NOS1AP: variants seen among roughly 807,000 people sequenced by gnomAD.
NOS1AP encodes the protein nitric oxide synthase 1 adaptor protein.
Under a neutral mutation model 56.2 loss-of-function variants are expected in NOS1AP, and 21 were observed. The ratio of observed to expected loss-of-function variants is 0.37; its 90% CI spans 0.26 to 0.54. The LOEUF (loss-of-function observed/expected upper bound fraction) is 0.54. Ranked by LOEUF, NOS1AP falls within the 20% of genes least tolerant of loss-of-function variation. The pLI is 0.84. For synonymous variants in NOS1AP, 270 were observed against 274.6 expected (o/e 0.98, Z 0.17); for missense variants, 522 against 657.8 (o/e 0.79, Z 2.26).
chr1:162,311,232 C>A (rs936131896), intron 4 of NOS1AP, among the ~76,000 whole-genome samples: 1 of 152,198 alleles, frequency 6.6e-6, no homozygotes, highest in African/African-American at 2.4e-5. Context: ...TTCCTCTGTT[C>A]TTCTGTGTTG....
At chr1:162,149,757 G>T (rs1177122794) in intron 1 of NOS1AP, among the ~76,000 whole-genome samples, 3 of 152,144 alleles carry the variant, frequency 2.0e-5, no homozygotes, top group Non-Finnish European at 2.9e-5. Context: ...GCGAAAACAG[G>T]TTATTTATTC....
At position 162,069,750 on chromosome 1, in the gene NOS1AP, G is replaced by GCCGCCA. The variant is rs973520599; in HGVS notation, c.-406_-401dup. The GCCGCCA allele has an allele frequency of 2.6e-4, 41 of 155,092 alleles. No homozygotes were observed. Among genetic ancestry groups the GCCGCCA allele is most frequent in the East Asian group, 7.6e-4 (4 of 5,238 alleles). The allele number at this position is 155,092 out of a possible 1,614,324, so 9.6% of individuals were successfully genotyped here. A position where few individuals can be genotyped will look rare whatever the true frequency, so the allele number is the denominator to read the frequency against. On this transcript the variant is annotated 5_prime_UTR_variant, in exon 1 of 10. Coordinates refer to ENST00000361897, the MANE Select transcript of NOS1AP (RefSeq NM_014697.3). Reference sequence around the variant, plus strand: ...GTCTCCGTGACAGGCACCCTGCTCCGCCGCCACCGCCACCGCCACCGCCAC... The same window carrying GCCGCCA: ...GTCTCCGTGACAGGCACCCTGCTCCGCCGCCACCGCCACCGCCACCGCCACCGCCAC...
chr1:162,162,709 TGTAA>T (rs1402687698), intron 2 of NOS1AP, among the ~76,000 whole-genome samples: 9 of 152,234 alleles, frequency 5.9e-5, no homozygotes, highest in Non-Finnish European at 1.3e-4. Flanking sequence ...ATGTAAACCC[TGTAA>T]GTAATTTCTA....
intron 9 of NOS1AP, among the ~76,000 whole-genome samples, chr1:162,365,859 T>C (rs115020582): frequency 0.021 from 3,245 of 152,256 alleles, 58 homozygotes; most frequent in Non-Finnish European, 0.033. Context: ...GCTCAGGTAC[T>C]CTGTGTTCTA....
chr1:162,096,114 T>C (rs1357268071), intron 1 of NOS1AP, among the ~76,000 whole-genome samples: 1 of 152,224 alleles, frequency 6.6e-6, no homozygotes, highest in African/African-American at 2.4e-5. Context: ...GTAAATGCTT[T>C]TCAAATTTCA....
chr1:162,239,554 C>T lies in NOS1AP; in HGVS notation c.178-47790C>T, dbSNP rs540338132. Among the ~76,000 whole-genome samples the T allele has an allele frequency of 5.9e-5, 9 of 152,310 alleles. No homozygotes were observed. The East Asian group carries it at 7.7e-4, about 13-fold the overall frequency. On this transcript the variant is annotated intron_variant, in intron 2 of 9. Transcript: ENST00000361897. Reference sequence around the variant, plus strand: ...ACACATACTCACACAGATCAACACACGTGCTTATATTCAGTTAAGCAAATA... The same window carrying T: ...ACACATACTCACACAGATCAACACATGTGCTTATATTCAGTTAAGCAAATA...
At chr1:162,210,990 A>C (rs1448681531) in intron 2 of NOS1AP, among the ~76,000 whole-genome samples, 2 of 152,200 alleles carry the variant, frequency 1.3e-5, no homozygotes, top group African/African-American at 4.8e-5. Flanking sequence ...TACCATGTGA[A>C]GAAAGTTGGT....
chr1:162,170,392 A>T (rs1356652288), intron 2 of NOS1AP, among the ~76,000 whole-genome samples: 1 of 152,220 alleles, frequency 6.6e-6, no homozygotes, highest in Non-Finnish European at 1.5e-5. Context: ...AAGGCTACCC[A>T]GGTAGCAAGC....
chr1:162,090,808 C>T (rs895059730), intron 1 of NOS1AP, among the ~76,000 whole-genome samples: 2 of 151,938 alleles, frequency 1.3e-5, no homozygotes, highest in African/African-American at 4.8e-5. Flanking sequence ...GTTGTTCTTT[C>T]ATGCCTTGCA....
At chr1:162,274,580 C>G (rs187722116) in intron 2 of NOS1AP, among the ~76,000 whole-genome samples, 2 of 152,344 alleles carry the variant, frequency 1.3e-5, no homozygotes, top group Admixed American at 6.5e-5. Context: ...TCCCTAACAG[C>G]TAATGATATT....
rs1375003121 is a variant in NOS1AP at position 162,289,464 on chromosome 1, CTTTTCTTTTTTT to C, written c.270+2033_270+2044del. ...TGGCGCCTGCCACCACGCCCAGCTA[CTTTTCTTTTTTT>C]TTTTTTTTTTTTTTTTGAGACGGAG... On this transcript the variant is annotated intron_variant, in intron 3 of 9. Transcript: ENST00000361897. Among the ~76,000 whole-genome samples, 63 of 45,058 alleles carry C rather than the reference CTTTTCTTTTTTT, an allele frequency of 1.4e-3. 2 individuals are homozygous for C. Among genetic ancestry groups the C allele is most frequent in the Middle Eastern group, 0.045 (1 of 22 alleles). The allele number at this position is 45,058 out of a possible 152,430, so 29.6% of individuals were successfully genotyped here.
At chr1:162,120,746 G>A (rs10918701) in intron 1 of NOS1AP, among the ~76,000 whole-genome samples, 69,857 of 152,096 alleles carry the variant, frequency 0.46, 19,583 homozygotes, top group Non-Finnish European at 0.62. Context: ...TGGGAATTAC[G>A]GGAGCTACAA....
chr1:162,344,728 A>G (rs1490595920), intron 6 of NOS1AP, among the ~76,000 whole-genome samples: 1 of 152,108 alleles, frequency 6.6e-6, no homozygotes. Flanking sequence ...AAAGTCAGGA[A>G]GGAGACAATA....
chr1:162,316,368 G>A (rs1042967038), intron 4 of NOS1AP, among the ~76,000 whole-genome samples: 1 of 152,240 alleles, frequency 6.6e-6, no homozygotes, highest in Non-Finnish European at 1.5e-5. Flanking sequence ...AGCACCTCTT[G>A]ATGTTGTGGG....
At chr1:162,082,445 G>A (rs1691916616) in intron 1 of NOS1AP, among the ~76,000 whole-genome samples, 1 of 152,088 alleles carries the variant, frequency 6.6e-6, no homozygotes, top group South Asian at 2.1e-4. Flanking sequence ...ATTTCTTTAG[G>A]TACATACCCA....
intron 2 of NOS1AP, among the ~76,000 whole-genome samples, chr1:162,271,847 T>C (rs1654590946): frequency 6.6e-6 from 1 of 152,194 alleles, no homozygotes; most frequent in South Asian, 2.1e-4. Flanking sequence ...TCCTAGCTTG[T>C]GGATGGCTGC....
rs544324151 is a variant in NOS1AP at position 162,332,538 on chromosome 1, G to A, written c.345-479G>A. Among the ~76,000 whole-genome samples, 4 of 152,136 alleles carry A rather than the reference G, an allele frequency of 2.6e-5. No homozygotes were observed. In the Middle Eastern group the frequency reaches 0.01, roughly 388 times the overall value. On this transcript the variant is annotated intron_variant, in intron 4 of 9. Coordinates refer to ENST00000361897, the MANE Select transcript of NOS1AP (RefSeq NM_014697.3). Reference sequence around the variant, plus strand: ...CCAGGCAGAGAGGGGACAGAGAGTGGGATCACTATCACCAAAGGAACTAAG... The same window carrying A: ...CCAGGCAGAGAGGGGACAGAGAGTGAGATCACTATCACCAAAGGAACTAAG...
At chr1:162,362,550 A>G (rs982220973) in intron 8 of NOS1AP, among the ~76,000 whole-genome samples, 2 of 152,206 alleles carry the variant, frequency 1.3e-5, no homozygotes, top group African/African-American at 4.8e-5. Flanking sequence ...AGTTAGAGGT[A>G]TGCAGGATTC....
intron 4 of NOS1AP, among the ~76,000 whole-genome samples, chr1:162,325,987 C>T (rs1656579399): frequency 6.6e-6 from 1 of 151,930 alleles, no homozygotes; most frequent in African/African-American, 2.4e-5. Flanking sequence ...TTTGTTTCCA[C>T]AGTTTTCAAG....
Sources: allele counts gnomAD v4.1 joint callset (sites outside exome capture counted in the v4.1 genomes callset), GRCh38; gene constraint gnomAD v4.1.1; transcripts MANE v1.5; gene names NCBI Gene and HGNC (gene_info 2026-07-23, HGNC 2026-07-21).